Variants in CTDSP2 observed in about 807,000 individuals in gnomAD.
CTDSP2 encodes CTD small phosphatase 2.
In CTDSP2, 9 loss-of-function variants were observed where a neutral mutation model predicts 31.6. The ratio of observed to expected loss-of-function variants is 0.28; its 90% CI spans 0.17 to 0.50. The LOEUF is 0.50. Among genes scored for constraint, CTDSP2 ranks in the 20% least tolerant of loss-of-function variants. The probability of loss-of-function intolerance (pLI) is 0.98; values close to 1 mark genes in which losing one functional copy is unlikely to be tolerated. For synonymous variants in CTDSP2, 134 were observed against 134.5 expected, an observed-to-expected ratio of 1.00 and a Z score of 0.03; for missense variants, 267 against 348.5, an observed-to-expected ratio of 0.77 and a Z score of 1.86.
At chr12:57,825,168 T>C (rs1413763940) in intron 5 of CTDSP2, among the ~76,000 whole-genome samples, 1 of 152,154 alleles carries the variant, frequency 6.6e-6, no homozygotes, top group Non-Finnish European at 1.5e-5. Context: ...AAAGCTCCTT[T>C]ACCTGCATTA....
At chr12:57,826,594 T>C (rs1236514384) in intron 4 of CTDSP2, among the ~76,000 whole-genome samples, 192 bp from the exon 5 acceptor site, 4 of 152,182 alleles carry the variant, frequency 2.6e-5, no homozygotes, top group Non-Finnish European at 5.9e-5. Context: ...CCTTAGCACC[T>C]CCACTCTGAC....
intron 7 of CTDSP2, 55 bp from the exon 8 acceptor site, chr12:57,823,782 G>A: frequency 3.1e-6 from 5 of 1,611,390 alleles, no homozygotes; most frequent in East Asian, 2.2e-5. Context: ...CCCCTCCCTC[G>A]CCCCAGAGCC....
chr12:57,841,318 T>C (rs1234081092), intron 1 of CTDSP2, among the ~76,000 whole-genome samples: 1 of 152,214 alleles, frequency 6.6e-6, no homozygotes, highest in Non-Finnish European at 1.5e-5. Context: ...AGAACATCTA[T>C]TTCTCTTCAA....
chr12:57,826,454 GCC>G, intron 4 of CTDSP2, 52 bp from the exon 5 acceptor site: 1 of 1,568,554 alleles, frequency 6.4e-7, no homozygotes, highest in Non-Finnish European at 8.8e-7. Flanking sequence ...GAAACATGAG[GCC>G]CCCACCATAC....
At chr12:57,829,261 C>T (rs1321599150) in intron 2 of CTDSP2, among the ~76,000 whole-genome samples, 187 bp downstream of exon 2, 1 of 152,130 alleles carries the variant, frequency 6.6e-6, no homozygotes, top group Admixed American at 6.5e-5. Flanking sequence ...GTGAATGGCC[C>T]ACACCGCAAA....
chr12:57,841,526 C>G (rs1027334472), intron 1 of CTDSP2, among the ~76,000 whole-genome samples: 1 of 152,186 alleles, frequency 6.6e-6, no homozygotes, highest in African/African-American at 2.4e-5. Flanking sequence ...TGGCCTTCTC[C>G]CACCCCCAGA....
chr12:57,836,643 A>T (rs955850571), intron 1 of CTDSP2, among the ~76,000 whole-genome samples: 1 of 146,464 alleles, frequency 6.8e-6, no homozygotes, highest in African/African-American at 2.5e-5. Context: ...TTTTGTCTTT[A>T]AAAAAAAAAA....
At position 57,823,800 on chromosome 12, in the gene CTDSP2, G is replaced by T; in HGVS notation, c.691-73C>A. The stretch of plus-strand genomic sequence containing the variant: ...CTCCCTCGCCCCAGAGCCCTAGAGG[G>T]TGGCTGGGTCTTCCTGGAGGGGTGT... On this transcript the variant is annotated intron_variant, in intron 7 of 7. Transcript: ENST00000398073. 3.7e-6 allele frequency: 6 copies of T among 1,610,416 alleles called. No individual in the cohort carries two copies. The South Asian group carries it at 5.5e-5, about 15-fold the overall frequency.
At chr12:57,829,746 A>G (rs1956204000) in intron 1 of CTDSP2, 150 bp from the exon 2 acceptor site, 1 of 596,792 alleles carries the variant, frequency 1.7e-6, no homozygotes, top group African/African-American at 1.8e-5. Context: ...TTAACAGTCA[A>G]ACATACATGT....
rs370665163 is a variant in CTDSP2, at chr12:57,835,693, T to A, written c.65-6097A>T. ...GCACAGACCCAATGAGGGAAGCAGC[T>A]CTGGCTTAAGAAGAAAGTGAGCTGG... is the stretch of plus-strand genomic sequence containing the variant. On this transcript the variant is annotated intron_variant, in intron 1 of 7. Transcript: ENST00000398073. 2.2e-3 allele frequency among the ~76,000 whole-genome samples: 341 copies of A among 152,286 alleles called. 1 individual carries two copies. Among genetic ancestry groups the A allele is most frequent in the African/African-American group, 5.4e-3 (226 of 41,564 alleles).
Position 57,846,522 on chromosome 12 carries a change from C to CCGCTCCGG in CTDSP2, c.-95_-88dup. Reference sequence around the variant, plus strand: ...TGGGCTGGGGGGCCTGGGCGGGGGCCCGCTCCGGCTCCCGAGACTCCGACT... The same window carrying CCGCTCCGG: ...TGGGCTGGGGGGCCTGGGCGGGGGCCCGCTCCGGCGCTCCGGCTCCCGAGACTCCGACT... On this transcript the variant is annotated 5_prime_UTR_variant, in exon 1 of 8. Coordinates refer to ENST00000398073, the MANE Select transcript of CTDSP2 (RefSeq NM_005730.4). 9.0e-7 allele frequency: 1 copy of CCGCTCCGG among 1,109,398 alleles called. No homozygotes were observed. Among genetic ancestry groups the CCGCTCCGG allele is most frequent in the Non-Finnish European group, 1.2e-6 (1 of 818,388 alleles). The allele number at this position is 1,109,398 out of a possible 1,614,324, so 68.7% of individuals were successfully genotyped here.
intron 1 of CTDSP2, among the ~76,000 whole-genome samples, chr12:57,834,032 G>T (rs1229446694): frequency 2.6e-5 from 4 of 152,252 alleles, no homozygotes; most frequent in Admixed American, 2.0e-4. Context: ...TGACAGCAGA[G>T]CCAGGATTTG....
Position 57,826,983 on chromosome 12 carries a change from G to A in CTDSP2, c.354+13C>T. 2 of 1,592,516 alleles carry A rather than the reference G, an allele frequency of 1.3e-6. No individual in the cohort carries two copies. Among genetic ancestry groups the A allele is most frequent in the Non-Finnish European group, 1.7e-6 (2 of 1,162,034 alleles). On this transcript the variant is annotated intron_variant, in intron 4 of 7. Transcript: ENST00000398073. ...CAAGATAAAGGTAGGAAGGGTTCCA[G>A]ACATTGAGTTACCTTAAAGGAGCTA...
chr12:57,823,830 C>T (rs1956164737), intron 7 of CTDSP2, 74 bp downstream of exon 7: 2 of 1,607,952 alleles, frequency 1.2e-6, no homozygotes, highest in Non-Finnish European at 1.7e-6. Flanking sequence ...GGGTGTACTT[C>T]TCTGGTGGAG....
chr12:57,827,487 C>T, intron 3 of CTDSP2, 65 bp downstream of exon 3: 1 of 1,568,414 alleles, frequency 6.4e-7, no homozygotes, highest in Non-Finnish European at 8.8e-7. Context: ...ATCACCCTGC[C>T]CGTGGAGCTG....
rs1956316386 is a variant in CTDSP2, at chr12:57,846,379, G to A, written c.57C>T (p.Thr19=). 6.2e-7 allele frequency: 1 copy of A among 1,608,476 alleles called. No individual in the cohort carries two copies. Among genetic ancestry groups the A allele is most frequent in the African/African-American group, 1.3e-5 (1 of 74,858 alleles). The change falls in exon 1 of 8, where the codon ACC becomes ACT. Residue 19 remains threonine, a synonymous_variant. Transcript: ENST00000398073. ...QARREDALVL[T]KQGLVSKSSP... ...GGAAGTTGCTGCCCCTACCTTGCTTGGTGAGCACCAGGGCGTCTTCCCTCC... is the reference window on the plus strand; with the variant it reads ...GGAAGTTGCTGCCCCTACCTTGCTTAGTGAGCACCAGGGCGTCTTCCCTCC...
At chr12:57,826,120 G>A (rs1180213449) in intron 5 of CTDSP2, among the ~76,000 whole-genome samples, 2 of 152,208 alleles carry the variant, frequency 1.3e-5, no homozygotes, top group Non-Finnish European at 2.9e-5. Flanking sequence ...TGGTTGCAAA[G>A]AGAAAACAAG....
intron 1 of CTDSP2, among the ~76,000 whole-genome samples, chr12:57,840,567 C>T (rs1956276613): frequency 6.6e-6 from 1 of 152,098 alleles, no homozygotes; most frequent in African/African-American, 2.4e-5. Context: ...GATCTACTAT[C>T]CAGGAAGCCT....
chr12:57,838,544 T>C (rs1010504702), intron 1 of CTDSP2, among the ~76,000 whole-genome samples: 14 of 152,288 alleles, frequency 9.2e-5, no homozygotes, highest in African/African-American at 3.1e-4. Context: ...CTGGAATGCT[T>C]AGATATAGTT....
Sources: allele counts gnomAD v4.1 joint callset (sites outside exome capture counted in the v4.1 genomes callset), GRCh38; gene constraint gnomAD v4.1.1; transcripts MANE v1.5; gene names NCBI Gene and HGNC (gene_info 2026-07-23, HGNC 2026-07-21).